Variants in DTNB observed in about 807,000 individuals in gnomAD.
DTNB encodes the protein DTN-B.
In DTNB, 63 loss-of-function variants were observed where a neutral mutation model predicts 90.7. The observed-to-expected ratio is 0.69, with a 90% CI of 0.57 to 0.86. The LOEUF is 0.86. Ranked by LOEUF, DTNB falls within the 40% of genes least tolerant of loss-of-function variation. The probability of loss-of-function intolerance (pLI) is 0.00; values close to 1 mark genes in which losing one functional copy is unlikely to be tolerated. For synonymous variants in DTNB, 277 were observed against 286.7 expected, an observed-to-expected ratio of 0.97 and a Z score of 0.34; for missense variants, 744 against 807.1, an observed-to-expected ratio of 0.92 and a Z score of 0.95.
At position 25,531,452 on chromosome 2, in the gene DTNB, CACATCCAGGGGTATACTT is replaced by C; in HGVS notation, c.1001+3_1001+20del. 3 of 1,600,862 alleles carry C rather than the reference CACATCCAGGGGTATACTT, an allele frequency of 1.9e-6. No individual in the cohort carries two copies. The highest frequency in any genetic ancestry group is 2.6e-6 in the Non-Finnish European group (3 of 1,175,270). On this transcript the variant is annotated splice_donor_5th_base_variant and intron_variant, in intron 9 of 20. Coordinates refer to ENST00000406818, the MANE Select transcript of DTNB (RefSeq NM_021907.5). ...CCCCCATTTCAGTGTGATCCACATG[CACATCCAGGGGTATACTT>C]ACACTATATGTGCAAGGTCAAGTGG...
intron 8 of DTNB, among the ~76,000 whole-genome samples, chr2:25,550,263 T>C (rs1435733792): frequency 6.6e-6 from 1 of 151,962 alleles, no homozygotes; most frequent in South Asian, 2.1e-4. Context: ...TGGTGGCAGG[T>C]GCCTGTAGTC....
At position 25,433,992 on chromosome 2, in the gene DTNB, G is replaced by T. The variant is rs755184039; in HGVS notation, c.1261C>A (p.Arg421Ser). 6.2e-7 allele frequency: 1 copy of T among 1,612,070 alleles called. No homozygotes were observed. Among genetic ancestry groups the T allele is most frequent in the South Asian group, 1.1e-5 (1 of 90,868 alleles). The part of the protein sequence containing the change: ...RLAAEAGNVT[R>S]PPTDLSFNFD... The stretch of plus-strand genomic sequence containing the variant: ...TTAAAGCTCAAGTCAGTGGGAGGAC[G>T]AGTCTAAAGTGGGGAAGTCGGGAGA... The change falls in exon 13 of 21, where the codon CGT becomes AGT. Residue 421 changes from arginine to serine, a missense_variant. Arg to Ser is a moderately radical substitution (Grantham distance 110, BLOSUM62 -1). Coordinates refer to ENST00000406818, the MANE Select transcript of DTNB (RefSeq NM_021907.5).
At chr2:25,386,544 C>A (rs1034759932) in intron 18 of DTNB, among the ~76,000 whole-genome samples, 1 of 152,176 alleles carries the variant, frequency 6.6e-6, no homozygotes, top group Non-Finnish European at 1.5e-5. Flanking sequence ...GCTGTGAAAT[C>A]GTTAGTGACT....
chr2:25,558,165 C>T, intron 8 of DTNB: 1 of 958,594 alleles, frequency 1.0e-6, no homozygotes, highest in Non-Finnish European at 1.2e-6. Flanking sequence ...ATTTCGTAGT[C>T]ACTAAATGAA....
chr2:25,451,439 T>A, intron 12 of DTNB, 109 bp downstream of exon 12: 1 of 1,170,684 alleles, frequency 8.5e-7, no homozygotes, highest in Non-Finnish European at 1.2e-6. Context: ...GTGGAAAGTG[T>A]CCCCGAGGTA....
intron 10 of DTNB, among the ~76,000 whole-genome samples, chr2:25,462,025 T>C (rs902926436): frequency 6.6e-6 from 1 of 152,178 alleles, no homozygotes; most frequent in Non-Finnish European, 1.5e-5. Context: ...CAGAGGGTCT[T>C]GAATGGGACT....
intron 1 of DTNB, among the ~76,000 whole-genome samples, chr2:25,654,913 C>A: frequency 6.6e-6 from 1 of 152,156 alleles, no homozygotes; most frequent in East Asian, 1.9e-4. Context: ...GAACAGTTCC[C>A]AGCACACAGT....
intron 8 of DTNB, among the ~76,000 whole-genome samples, chr2:25,539,085 C>G (rs1222123169): frequency 1.3e-5 from 2 of 152,140 alleles, no homozygotes; most frequent in Non-Finnish European, 2.9e-5. Context: ...GCAATTCATT[C>G]ATTTTTTTCA....
At chr2:25,562,256 T>C (rs868813136) in intron 8 of DTNB, among the ~76,000 whole-genome samples, 3 of 152,364 alleles carry the variant, frequency 2.0e-5, no homozygotes, top group Middle Eastern at 3.4e-3. Context: ...TTAGTGTGTA[T>C]CAGTACCTCA....
chr2:25,566,956 G>A (rs1572686947), intron 8 of DTNB, among the ~76,000 whole-genome samples: 1 of 152,172 alleles, frequency 6.6e-6, no homozygotes, highest in African/African-American at 2.4e-5. Context: ...TGTCACCCAA[G>A]ACAAGAGGTC....
chr2:25,508,187 G>C (rs910344845), intron 9 of DTNB, among the ~76,000 whole-genome samples: 1 of 152,062 alleles, frequency 6.6e-6, no homozygotes, highest in African/African-American at 2.4e-5. Context: ...AGCTTCATGA[G>C]AGCAAAGATT....
chr2:25,512,533 T>C (rs1407861170), intron 9 of DTNB, among the ~76,000 whole-genome samples: 1 of 152,216 alleles, frequency 6.6e-6, no homozygotes, highest in African/African-American at 2.4e-5. Context: ...CCTGGTTTAA[T>C]ACATACTCAA....
At chr2:25,397,424 A>T (rs2042675042) in intron 16 of DTNB, among the ~76,000 whole-genome samples, 1 of 152,026 alleles carries the variant, frequency 6.6e-6, no homozygotes, top group Admixed American at 6.6e-5. Context: ...CACATATCGT[A>T]TGATCCCATT....
chr2:25,518,426 A>G (rs1445647866), intron 9 of DTNB, among the ~76,000 whole-genome samples: 3 of 152,172 alleles, frequency 2.0e-5, no homozygotes, highest in Admixed American at 6.5e-5. Context: ...GTTGTATTAC[A>G]TAATGCTGTT....
chr2:25,664,606 T>C (rs571391013), intron 1 of DTNB, among the ~76,000 whole-genome samples: 33 of 152,292 alleles, frequency 2.2e-4, no homozygotes, highest in Non-Finnish European at 4.3e-4. Flanking sequence ...CTGGTAAAAC[T>C]TGATTGCTCA....
chr2:25,629,798 C>T (rs575131056), intron 3 of DTNB, among the ~76,000 whole-genome samples: 1 of 152,296 alleles, frequency 6.6e-6, no homozygotes, highest in South Asian at 2.1e-4. Flanking sequence ...CCAATGCCAA[C>T]ATCATACTTA....
chr2:25,526,480 C>G (rs1304171299), intron 9 of DTNB, among the ~76,000 whole-genome samples: 1 of 149,278 alleles, frequency 6.7e-6, no homozygotes, highest in African/African-American at 2.5e-5. Context: ...ACTGCAACCT[C>G]TGCCTCTCAA....
intron 5 of DTNB, among the ~76,000 whole-genome samples, chr2:25,601,623 G>A (rs1455416915): frequency 6.6e-6 from 1 of 151,996 alleles, no homozygotes; most frequent in Non-Finnish European, 1.5e-5. Context: ...GCAGATGAAA[G>A]GGCTGTTTAG....
At chr2:25,649,903 G>A (rs1395346506) in intron 2 of DTNB, 5 of 470,376 alleles carry the variant, frequency 1.1e-5, no homozygotes, top group Non-Finnish European at 1.4e-5. Context: ...TAGTTATGCT[G>A]GAGTTTCTGG....
Sources: gnomAD v4.1 joint callset for allele counts (sites outside exome capture counted in the v4.1 genomes callset) on GRCh38, gnomAD v4.1.1 for gene constraint, MANE v1.5 for transcripts, NCBI Gene and HGNC (gene_info 2026-07-23, HGNC 2026-07-21) for gene names.